The following PARD3 variants were observed in gnomAD, a reference collection of about 807,000 sequenced individuals.
The protein encoded by PARD3 is par-3 family cell polarity regulator, also known as partitioning defective 3 homolog.
A neutral mutation model predicts 155.4 loss-of-function variants in PARD3; 75 were observed. The observed-to-expected ratio is 0.48, with a 90% CI of 0.40 to 0.58. PARD3 has a LOEUF of 0.58. Among genes scored for constraint, PARD3 ranks in the 20% least tolerant of loss-of-function variants. PARD3 has a pLI of 0.00. For synonymous variants in PARD3, 576 were observed against 610.5 expected, an observed-to-expected ratio of 0.94 and a Z score of 0.83; for missense variants, 1,642 against 1,721.7, an observed-to-expected ratio of 0.95 and a Z score of 0.82.
rs2081816799 is a variant in PARD3, at chr10:34,517,004, C to A, written c.378G>T (p.Glu126Asp). 1.2e-6 allele frequency: 2 copies of A among 1,614,094 alleles called. No individual in the cohort carries two copies. Among genetic ancestry groups the A allele is most frequent in the East Asian group, 4.5e-5 (2 of 44,882 alleles). The stretch of plus-strand genomic sequence containing the variant: ...TTGCTCGAAGGACTGAAGGTGTGAC[C>A]TCAATTTCACTTGTTGCTTGGTAAG... ...FQPYQATSEI[E>D]VTPSVLRANM... Residue 126 changes from glutamate to aspartate, a missense_variant, in exon 3 of 25, where the codon GAG becomes GAT. This residue lies in a region of PARD3 where 1,529 missense variants were observed against 1,587.3 expected (regional missense o/e 0.96). Transcript: ENST00000374788.
In PARD3 at chr10:34,359,332, G is replaced by A. The variant is rs778834481; in HGVS notation, c.1897-15C>T. The stretch of plus-strand genomic sequence containing the variant: ...AGCCTTCCATCCTGGGAAGAAAACA[G>A]GTAAAAATAAGTGCTATTAAACAGA... On this transcript the variant is annotated splice_polypyrimidine_tract_variant and intron_variant, in intron 13 of 24. Transcript: ENST00000374788. The A allele has an allele frequency of 1.2e-6, 2 of 1,602,192 alleles. No homozygotes were observed. The highest frequency in any genetic ancestry group is 3.4e-5 in the Admixed American group (2 of 59,006).
chr10:34,360,650 T>A (rs1488845729), intron 12 of PARD3, among the ~76,000 whole-genome samples: 1 of 152,190 alleles, frequency 6.6e-6, no homozygotes, highest in African/African-American at 2.4e-5. Context: ...TTTATCTCCC[T>A]TTTTATGAGG....
chr10:34,560,248 A>C (rs986028712), intron 2 of PARD3, among the ~76,000 whole-genome samples: 2 of 152,110 alleles, frequency 1.3e-5, no homozygotes, highest in Non-Finnish European at 2.9e-5. Context: ...ATGTTACTTT[A>C]CTCTGAATTT....
intron 20 of PARD3, among the ~76,000 whole-genome samples, chr10:34,309,967 T>G (rs1373557302): frequency 6.6e-6 from 1 of 150,422 alleles, no homozygotes; most frequent in Non-Finnish European, 1.5e-5. Context: ...TGATCCAAAA[T>G]TTAATCTGAT....
At chr10:34,189,043 A>G (rs564569989) in intron 22 of PARD3, among the ~76,000 whole-genome samples, 1 of 152,316 alleles carries the variant, frequency 6.6e-6, no homozygotes, top group East Asian at 1.9e-4. Flanking sequence ...ATACTAAGAC[A>G]TTTCTTGGCT....
chr10:34,660,364 T>TG, intron 2 of PARD3, among the ~76,000 whole-genome samples: 1 of 152,308 alleles, frequency 6.6e-6, no homozygotes, highest in South Asian at 2.1e-4. Context: ...AATACTTACA[T>TG]TATCTATGCT....
chr10:34,656,702 G>A (rs2093175469), intron 2 of PARD3, among the ~76,000 whole-genome samples: 1 of 152,128 alleles, frequency 6.6e-6, no homozygotes, highest in Non-Finnish European at 1.5e-5. Flanking sequence ...AACTTCCTTG[G>A]ATAGTCTTTT....
At chr10:34,283,323 C>A (rs975425399) in intron 21 of PARD3, among the ~76,000 whole-genome samples, 1 of 152,058 alleles carries the variant, frequency 6.6e-6, no homozygotes, top group Non-Finnish European at 1.5e-5. Flanking sequence ...CAAAGTAAAA[C>A]AGGCATAGTA....
At chr10:34,128,112 GC>G (rs1564414855) in intron 23 of PARD3, among the ~76,000 whole-genome samples, 2 of 152,150 alleles carry the variant, frequency 1.3e-5, no homozygotes, top group African/African-American at 4.8e-5. Flanking sequence ...TTCATGAGGT[GC>G]TTTTACACCT....
chr10:34,555,262 T>C (rs1255129576), intron 2 of PARD3, among the ~76,000 whole-genome samples: 3 of 152,210 alleles, frequency 2.0e-5, no homozygotes, highest in Non-Finnish European at 4.4e-5. Context: ...AATTCTTCTG[T>C]AAACCTAACA....
chr10:34,250,467 T>C (rs979376125), intron 22 of PARD3, among the ~76,000 whole-genome samples: 1 of 152,188 alleles, frequency 6.6e-6, no homozygotes, highest in African/African-American at 2.4e-5. Flanking sequence ...ACCTAGCTAA[T>C]TAAAACAACT....
intron 8 of PARD3, among the ~76,000 whole-genome samples, chr10:34,383,874 G>T (rs1301832904): frequency 6.6e-6 from 1 of 152,074 alleles, no homozygotes; most frequent in Admixed American, 6.5e-5. Context: ...CAAAAGGAGA[G>T]GAACCAGCAA....
chr10:34,281,096 T>C (rs994532299), intron 21 of PARD3, among the ~76,000 whole-genome samples: 1 of 151,328 alleles, frequency 6.6e-6, no homozygotes, highest in African/African-American at 2.5e-5. Context: ...GAGAAATCTA[T>C]CACGGGGCTT....
chr10:34,223,239 C>T (rs1033488665), intron 22 of PARD3, among the ~76,000 whole-genome samples: 2 of 152,108 alleles, frequency 1.3e-5, no homozygotes, highest in Non-Finnish European at 2.9e-5. Context: ...CACAAGACAA[C>T]TGGCCCAGAT....
chr10:34,532,912 ATAGAG>A (rs1427462026), intron 2 of PARD3, among the ~76,000 whole-genome samples: 1 of 152,218 alleles, frequency 6.6e-6, no homozygotes, highest in Non-Finnish European at 1.5e-5. Flanking sequence ...TGTGAACATC[ATAGAG>A]TATATTACAT....
At chr10:34,564,295 A>T (rs1319375803) in intron 2 of PARD3, among the ~76,000 whole-genome samples, 1 of 152,222 alleles carries the variant, frequency 6.6e-6, no homozygotes, top group Non-Finnish European at 1.5e-5. Flanking sequence ...TTGTTTATAT[A>T]AAAAAGTATA....
chr10:34,111,230 G>T lies in PARD3; in HGVS notation c.4001C>A (p.Ser1334Tyr), dbSNP rs1159842238. 2 of 1,609,536 alleles carry T rather than the reference G, an allele frequency of 1.2e-6. No individual in the cohort carries two copies. Among genetic ancestry groups the T allele is most frequent in the African/African-American group, 2.7e-5 (2 of 74,966 alleles). ...PFRQDVPPSP[S>Y]QVARLNRLQT... ...AAGTCTGTTCAGCCTCGCAACCTGA[G>T]AAGGGGAGGGGGGCACATCTTGCCG... Residue 1334 changes from serine to tyrosine, a missense_variant, in exon 25 of 25, where the codon TCT becomes TAT. Ser to Tyr is a moderately radical substitution (Grantham distance 144). This residue lies in a region of PARD3 where 1,529 missense variants were observed against 1,587.3 expected (regional missense o/e 0.96). Transcript: ENST00000374788.
intron 2 of PARD3, among the ~76,000 whole-genome samples, chr10:34,677,879 A>C (rs1293613764): frequency 6.6e-6 from 1 of 152,124 alleles, no homozygotes; most frequent in Non-Finnish European, 1.5e-5. Context: ...GGTAATCTTT[A>C]CTTTTTATCT....
chr10:34,252,020 CG>C (rs1954340681), intron 22 of PARD3, among the ~76,000 whole-genome samples: 1 of 152,052 alleles, frequency 6.6e-6, no homozygotes, highest in South Asian at 2.1e-4. Context: ...TTGGAGGAGA[CG>C]GATGATAACA....
Sources: allele counts gnomAD v4.1 joint callset (sites outside exome capture counted in the v4.1 genomes callset), GRCh38; gene constraint gnomAD v4.1.1; regional missense constraint gnomAD v4.1.1; transcripts MANE v1.5; gene names NCBI Gene and HGNC (gene_info 2026-07-23, HGNC 2026-07-21).